The following NOTCH2NLC variants were observed in gnomAD, a reference collection of about 807,000 sequenced individuals.
NOTCH2NLC encodes the protein notch 2 N-terminal like C, also known as notch homolog 2 N-terminal-like protein C.
A neutral mutation model predicts 17.7 loss-of-function variants in NOTCH2NLC; 4 were observed. That is an observed-to-expected ratio of 0.23 (90% confidence interval 0.11 to 0.52). The LOEUF (loss-of-function observed/expected upper bound fraction) is 0.52, where lower values mean the gene tolerates loss of function less well. Ranked by LOEUF, NOTCH2NLC falls within the 20% of genes least tolerant of loss-of-function variation. NOTCH2NLC has a pLI of 0.96. For missense variants in NOTCH2NLC, 57 were observed against 207.2 expected, an observed-to-expected ratio of 0.28 and a Z score of 4.45; for synonymous variants, 18 against 86.0, an observed-to-expected ratio of 0.21 and a Z score of 4.38.
chr1:149,445,732 C>G (rs1451107920), intron 2 of NOTCH2NLC, among the ~76,000 whole-genome samples: 30 of 149,174 alleles, frequency 2.0e-4, no homozygotes, highest in African/African-American at 6.4e-4. Context: ...GCCGACGCAA[C>G]CCACATGAGA....
rs1308933885 is a variant in NOTCH2NLC at position 149,460,911 on chromosome 1, CTTTCTCTCTCTT to C, written c.470-2578_470-2567del. On this transcript the variant is annotated intron_variant, in intron 3 of 4. Transcript: ENST00000650865. ...TCTTTCTTTCTTTCTTTCTTTCTTT[CTTTCTCTCTCTT>C]TCTCTCTTTCTCTCTCTTTCCCTCT... Among the ~76,000 whole-genome samples, 90 of 121,940 alleles carry C rather than the reference CTTTCTCTCTCTT, an allele frequency of 7.4e-4. 1 individual carries two copies. Among genetic ancestry groups the C allele is most frequent in the Non-Finnish European group, 1.3e-3 (71 of 56,160 alleles). 80.0% of individuals were successfully genotyped at this position (121,940 alleles called of 152,430 possible). A position where few individuals can be genotyped will look rare whatever the true frequency, so the allele number is the denominator to read the frequency against.
intron 1 of NOTCH2NLC, among the ~76,000 whole-genome samples, chr1:149,423,786 C>T (rs2084394539): frequency 6.8e-6 from 1 of 147,392 alleles, no homozygotes; most frequent in African/African-American, 2.5e-5. Flanking sequence ...AGCACAGATA[C>T]CACACTGCAG....
chr1:149,424,897 A>G (rs2084404476), intron 1 of NOTCH2NLC, among the ~76,000 whole-genome samples: 2 of 151,180 alleles, frequency 1.3e-5, no homozygotes, highest in East Asian at 3.9e-4. Context: ...GGTAGCGAGA[A>G]CTCACTCATT....
intron 1 of NOTCH2NLC, among the ~76,000 whole-genome samples, chr1:149,419,840 A>ATATATAT: frequency 8.8e-6 from 1 of 113,518 alleles, no homozygotes; most frequent in African/African-American, 3.5e-5. Context: ...GAAGTTCAGG[A>ATATATAT]ATATATATAT....
rs1395624126 is a variant in NOTCH2NLC, at chr1:149,445,871, G to GT, written c.210-9438dup. Among the ~76,000 whole-genome samples the GT allele has an allele frequency of 2.0e-3, 155 of 77,926 alleles. 1 individual carries two copies. The highest frequency in any genetic ancestry group is 5.8e-3 in the African/African-American group (116 of 19,958). The allele number at this position is 77,926 out of a possible 152,430, so 51.1% of individuals were successfully genotyped here. A position where few individuals can be genotyped will look rare whatever the true frequency, so the allele number is the denominator to read the frequency against. On this transcript the variant is annotated intron_variant, in intron 2 of 4. Transcript: ENST00000650865. ...GGTGGGGTTTTGCTTTGTTGTTGTT[G>GT]TTTTTTTTTGAATGGCCAAATCCTC...
At position 149,408,532 on chromosome 1, in the gene NOTCH2NLC, A is replaced by T. The variant is rs1176296005; in HGVS notation, c.135+17610A>T. Among the ~76,000 whole-genome samples the T allele has an allele frequency of 2.0e-5, 3 of 150,088 alleles. No homozygotes were observed. The East Asian group carries it at 6.0e-4, about 30-fold the overall frequency. On this transcript the variant is annotated intron_variant, in intron 1 of 4. Coordinates refer to ENST00000650865, the MANE Select transcript of NOTCH2NLC (RefSeq NM_001364013.2). ...ATGAGGAAATAGAAAATGTTTTGTT[A>T]TGGTAGTTTTACACATACACCCACA...
intron 1 of NOTCH2NLC, among the ~76,000 whole-genome samples, chr1:149,412,211 T>A (rs2101472789): frequency 6.6e-6 from 1 of 150,520 alleles, no homozygotes; most frequent in Admixed American, 6.6e-5. Context: ...TAGTCCATTG[T>A]TTTTTAAACT....
chr1:149,400,112 T>TTATATA lies in NOTCH2NLC; in HGVS notation c.135+9205_135+9210dup, dbSNP rs1213013864. 5.2e-3 allele frequency among the ~76,000 whole-genome samples: 722 copies of TTATATA among 138,754 alleles called. 35 individuals are homozygous for TTATATA. Among genetic ancestry groups the TTATATA allele is most frequent in the Non-Finnish European group, 9.2e-3 (590 of 63,816 alleles). The allele number at this position is 138,754 out of a possible 152,430, so 91.0% of individuals were successfully genotyped here. On this transcript the variant is annotated intron_variant, in intron 1 of 4. Coordinates refer to ENST00000650865, the MANE Select transcript of NOTCH2NLC (RefSeq NM_001364013.2). Reference sequence around the variant, plus strand: ...AGATTTAGAAAAGCTGTTGATTTATTTATATATATATATATATATAATATA... The same window carrying TTATATA: ...AGATTTAGAAAAGCTGTTGATTTATTTATATATATATATATATATATATATAATATA...
intron 1 of NOTCH2NLC, among the ~76,000 whole-genome samples, chr1:149,398,300 ATGT>A (rs1489062769): frequency 4.7e-4 from 70 of 149,836 alleles, no homozygotes; most frequent in Admixed American, 3.1e-3. Flanking sequence ...AATTTGGCAC[ATGT>A]TGTTGTGTCT....
intron 1 of NOTCH2NLC, among the ~76,000 whole-genome samples, chr1:149,404,467 GC>G (rs1406090725): frequency 6.6e-6 from 1 of 151,104 alleles, no homozygotes; most frequent in Non-Finnish European, 1.5e-5. Context: ...CAGGGTTGGG[GC>G]CAGAATTCAA....
intron 2 of NOTCH2NLC, among the ~76,000 whole-genome samples, chr1:149,438,808 A>T (rs2084498325): frequency 8.2e-6 from 1 of 121,244 alleles, no homozygotes; most frequent in Non-Finnish European, 1.7e-5. Context: ...GCTTGAGTGC[A>T]GTAGAGCAAT....
intron 1 of NOTCH2NLC, among the ~76,000 whole-genome samples, chr1:149,416,055 A>G (rs1570904841): frequency 6.9e-6 from 1 of 145,672 alleles, no homozygotes; most frequent in East Asian, 2.2e-4. Context: ...ATTATTTTCT[A>G]TAGTTCTTTA....
At chr1:149,399,847 T>A (rs1248388483) in intron 1 of NOTCH2NLC, among the ~76,000 whole-genome samples, 5 of 147,970 alleles carry the variant, frequency 3.4e-5, no homozygotes, top group Non-Finnish European at 6.0e-5. Flanking sequence ...TGAAACAGTT[T>A]AAGGTAGGTT....
intron 2 of NOTCH2NLC, among the ~76,000 whole-genome samples, chr1:149,446,556 T>C (rs1209769229): frequency 2.7e-5 from 4 of 150,846 alleles, no homozygotes; most frequent in Non-Finnish European, 3.0e-5. Context: ...TAGGCAGGTC[T>C]CGAACTTCCG....
At chr1:149,463,097 G>A (rs1347182863) in intron 3 of NOTCH2NLC, among the ~76,000 whole-genome samples, 1 of 150,504 alleles carries the variant, frequency 6.6e-6, no homozygotes, top group Non-Finnish European at 1.5e-5. Context: ...GCCTCCCAAA[G>A]TGCTGGAATT....
intron 3 of NOTCH2NLC, among the ~76,000 whole-genome samples, chr1:149,460,913 TTCTCTC>T (rs1304886209): frequency 4.9e-4 from 56 of 114,392 alleles, no homozygotes; most frequent in East Asian, 3.8e-3. Context: ...CTTTCTTTCT[TTCTCTC>T]TCTTTCTCTC....
At chr1:149,460,600 G>C (rs1326853567) in intron 3 of NOTCH2NLC, among the ~76,000 whole-genome samples, 1 of 150,106 alleles carries the variant, frequency 6.7e-6, no homozygotes, top group African/African-American at 2.4e-5. Flanking sequence ...GCCTCCCAAA[G>C]TGCTGGGATT....
chr1:149,419,870 T>A (rs1350165606), intron 1 of NOTCH2NLC, among the ~76,000 whole-genome samples: 86 of 125,896 alleles, frequency 6.8e-4, no homozygotes, highest in African/African-American at 2.3e-3. Context: ...TTTTTTTTTT[T>A]TTTTTTTTTT....
intron 2 of NOTCH2NLC, among the ~76,000 whole-genome samples, chr1:149,447,350 A>G (rs1483021554): frequency 1.3e-5 from 2 of 148,572 alleles, no homozygotes; most frequent in African/African-American, 5.0e-5. Context: ...ATTCTACCAG[A>G]CAGATCACAG....
Sources: allele counts gnomAD v4.1 joint callset (sites outside exome capture counted in the v4.1 genomes callset), GRCh38; gene constraint gnomAD v4.1.1; transcripts MANE v1.5; gene names NCBI Gene and HGNC (gene_info 2026-07-23, HGNC 2026-07-21).